JPH3: variants seen among roughly 807,000 people sequenced by gnomAD.
JPH3 encodes junctophilin 3, also known as junctophilin-3.
A neutral mutation model predicts 59.6 loss-of-function variants in JPH3; 11 were observed. That is an observed-to-expected ratio of 0.18 (90% CI 0.12 to 0.31). The LOEUF is 0.31. Ranked by LOEUF, JPH3 falls within the 10% of genes least tolerant of loss-of-function variation. JPH3 has a pLI of 1.00. For missense variants in JPH3, 1,202 were observed against 1,105.7 expected, an observed-to-expected ratio of 1.09 and a Z score of -1.24; for synonymous variants, 673 against 483.6, an observed-to-expected ratio of 1.39 and a Z score of -5.14.
intron 1 of JPH3, among the ~76,000 whole-genome samples, chr16:87,636,124 T>C (rs2150838797): frequency 6.6e-6 from 1 of 152,336 alleles, no homozygotes; most frequent in East Asian, 1.9e-4. Flanking sequence ...CCGCCTGTTC[T>C]GCAGGTGACC....
At chr16:87,668,431 G>C (rs1023826358) in intron 2 of JPH3, among the ~76,000 whole-genome samples, 1 of 152,164 alleles carries the variant, frequency 6.6e-6, no homozygotes, top group African/African-American at 2.4e-5. Flanking sequence ...ACGGGAACTT[G>C]GGTGAGTCAG....
At chr16:87,607,523 C>T (rs2030568992) in intron 1 of JPH3, among the ~76,000 whole-genome samples, 1 of 152,274 alleles carries the variant, frequency 6.6e-6, no homozygotes, top group African/African-American at 2.4e-5. Context: ...CCACTGCGCC[C>T]TTGCGGCCTT....
At chr16:87,608,048 G>A (rs2030591258) in intron 1 of JPH3, among the ~76,000 whole-genome samples, 1 of 152,266 alleles carries the variant, frequency 6.6e-6, no homozygotes, top group African/African-American at 2.4e-5. Flanking sequence ...GATGGGCTTT[G>A]TGTGAGGAAT....
intron 1 of JPH3, among the ~76,000 whole-genome samples, chr16:87,636,694 A>C (rs1256319101): frequency 6.6e-6 from 1 of 152,194 alleles, no homozygotes; most frequent in Non-Finnish European, 1.5e-5. Flanking sequence ...AATCAGAGCT[A>C]TGTTCCCACC....
chr16:87,646,094 G>C (rs12448745), intron 2 of JPH3, among the ~76,000 whole-genome samples: 18,725 of 152,166 alleles, frequency 0.12, 1,286 homozygotes, highest in Middle Eastern at 0.18. Flanking sequence ...CCCAGGGCAC[G>C]TTCCCCTGCG....
intron 1 of JPH3, among the ~76,000 whole-genome samples, chr16:87,637,762 C>T (rs2031804884): frequency 1.3e-5 from 2 of 152,052 alleles, no homozygotes; most frequent in Admixed American, 6.6e-5. Context: ...CTCCCTGTGC[C>T]CCCGGGGTTG....
At chr16:87,602,422 G>A (rs1259294187), upstream of JPH3, among the ~76,000 whole-genome samples, 2 of 105,448 alleles carry the variant, frequency 1.9e-5, no homozygotes, top group African/African-American at 6.9e-5. Context: ...CCGGGGGCGG[G>A]GGCGGGGGCG....
Position 87,690,161 on chromosome 16 carries a change from C to T in JPH3, c.1801C>T (p.Leu601=). 6.3e-7 allele frequency: 1 copy of T among 1,599,290 alleles called. No homozygotes were observed. Among genetic ancestry groups the T allele is most frequent in the African/African-American group, 1.3e-5 (1 of 74,620 alleles). Residue 601 remains leucine (L), a synonymous_variant, in exon 4 of 5, where the codon CTG becomes TTG. Transcript: ENST00000284262. ...SNHSPGGSRL[L]ELQEEKLSNY... ...CCACAGCCCCGGAGGCTCCAGGCTG[C>T]TGGAGCTGCAGGAGGAGAAGCTGAG...
At chr16:87,664,602 G>A (rs111524464) in intron 2 of JPH3, among the ~76,000 whole-genome samples, 10,103 of 152,260 alleles carry the variant, frequency 0.066, 1,156 homozygotes, top group African/African-American at 0.23. Context: ...TCCAGCCTGG[G>A]CAACAAGAGT....
chr16:87,695,160 G>A, intron 4 of JPH3: 1 of 369,362 alleles, frequency 2.7e-6, no homozygotes, highest in Non-Finnish European at 5.3e-6. Flanking sequence ...TTGTGGGTGG[G>A]GGGAAGGGGG....
Position 87,602,985 on chromosome 16 carries a change from C to T in JPH3, c.-162C>T. On this transcript the variant is annotated 5_prime_UTR_variant, in exon 1 of 5. Coordinates refer to ENST00000284262, the MANE Select transcript of JPH3 (RefSeq NM_020655.4). ...CGATTGACTGAAATTCCTCCGGAGC[C>T]GGCGCCGCGGCCGCCCGCGCCCGAG... 1.4e-6 allele frequency: 1 copy of T among 692,458 alleles called. No homozygotes were observed. The highest frequency in any genetic ancestry group is 2.3e-6 in the Non-Finnish European group (1 of 432,018). The allele number at this position is 692,458 out of a possible 1,614,324, so 42.9% of individuals were successfully genotyped here.
At chr16:87,619,805 C>T (rs149766960) in intron 1 of JPH3, among the ~76,000 whole-genome samples, 5 of 152,278 alleles carry the variant, frequency 3.3e-5, no homozygotes, top group Admixed American at 6.5e-5. Flanking sequence ...GAATAGGACC[C>T]GTCAGTCAGC....
rs566027477 is a variant in JPH3 at position 87,689,765 on chromosome 16, G to C, written c.1405G>C (p.Asp469His). 2 of 1,611,362 alleles carry C rather than the reference G, an allele frequency of 1.2e-6. No individual in the cohort carries two copies. Among genetic ancestry groups the C allele is most frequent in the Non-Finnish European group, 1.7e-6 (2 of 1,179,340 alleles). ...GTACCGCAAGGGCACCACTCCCTCC[G>C]ACCTGACCCCCGACGACAGCCCCCT... ...ELYRKGTTPS[D>H]LTPDDSPLQS... Residue 469 changes from aspartate to histidine, a missense_variant, in exon 4 of 5, where the codon GAC becomes CAC. By Grantham distance (81) the Asp-to-His change is moderately conservative (BLOSUM62 -1). Coordinates refer to ENST00000284262, the MANE Select transcript of JPH3 (RefSeq NM_020655.4).
At chr16:87,654,712 T>C (rs4843656) in intron 2 of JPH3, 106,421 of 151,888 alleles carry the variant, frequency 0.7, 37,809 homozygotes, top group African/African-American at 0.81. Context: ...CCTTGGGGTC[T>C]GCAGGGGCAG....
chr16:87,689,073 G>A (rs2033489645), intron 3 of JPH3, among the ~76,000 whole-genome samples: 1 of 152,170 alleles, frequency 6.6e-6, no homozygotes, highest in Non-Finnish European at 1.5e-5. Flanking sequence ...CTTCCGGGGA[G>A]CCCCGCCCTA....
intron 4 of JPH3, chr16:87,695,167 G>C (rs1249378436): frequency 2.7e-6 from 1 of 373,214 alleles, no homozygotes; most frequent in African/African-American, 2.1e-5. Flanking sequence ...TGGGGGGAAG[G>C]GGGAGGCCCG....
Position 87,672,780 on chromosome 16 carries a change from C to T in JPH3, c.1161-11362C>T, listed in dbSNP as rs767053444. On this transcript the variant is annotated intron_variant, in intron 2 of 4. Transcript: ENST00000284262. ...GGTGGTTGATTAAATGGTATTGGGC[C>T]GCTCAGGTGGCCATTGGGGAAAGGT... is the stretch of plus-strand genomic sequence containing the variant. 3.7e-4 allele frequency among the ~76,000 whole-genome samples: 56 copies of T among 152,116 alleles called. 2 individuals are homozygous for T. Among genetic ancestry groups the T allele is most frequent in the African/African-American group, 2.2e-4 (9 of 41,430 alleles).
At chr16:87,677,218 ACACAC>A (rs1158838808) in intron 2 of JPH3, among the ~76,000 whole-genome samples, 27 of 116,866 alleles carry the variant, frequency 2.3e-4, no homozygotes, top group Non-Finnish European at 3.5e-4. Context: ...ACACACACAC[ACACAC>A]ACAAAAAAAA....
chr16:87,696,750 C>T lies in JPH3; in HGVS notation c.*90C>T. 9.6e-7 allele frequency: 1 copy of T among 1,037,330 alleles called. No homozygotes were observed. Among genetic ancestry groups the T allele is most frequent in the Admixed American group, 1.8e-5 (1 of 54,412 alleles). The allele number at this position is 1,037,330 out of a possible 1,614,324, so 64.3% of individuals were successfully genotyped here. A position where few individuals can be genotyped will look rare whatever the true frequency, so the allele number is the denominator to read the frequency against. ...AACCACAAGAAGGGAAAGACCGCAA[C>T]TCGGACAGCCCAGCGACTTCCAAGT... On this transcript the variant is annotated 3_prime_UTR_variant, in exon 5 of 5. Transcript: ENST00000284262.
Sources: gnomAD v4.1 joint callset for allele counts (sites outside exome capture counted in the v4.1 genomes callset) on GRCh38, gnomAD v4.1.1 for gene constraint, MANE v1.5 for transcripts, NCBI Gene and HGNC (gene_info 2026-07-23, HGNC 2026-07-21) for gene names.